The following GTF2I variants were observed in gnomAD, a reference collection of about 807,000 sequenced individuals.
GTF2I encodes the protein general transcription factor IIi.
Under a neutral mutation model 67.6 loss-of-function variants are expected in GTF2I, and 12 were observed. That is an observed-to-expected ratio of 0.18 (90% confidence interval 0.11 to 0.29). The LOEUF is 0.29. Ranked by LOEUF, GTF2I falls within the 10% of genes least tolerant of loss-of-function variation. The pLI is 1.00. For synonymous variants in GTF2I, 149 were observed against 197.0 expected (o/e 0.76, Z 2.04); for missense variants, 271 against 580.1 (o/e 0.47, Z 5.47).
intron 11 of GTF2I, among the ~76,000 whole-genome samples, chr7:74,717,409 C>A (rs1417435772): frequency 6.6e-6 from 1 of 152,158 alleles, no homozygotes. Flanking sequence ...TTTGTACTCA[C>A]AACTACTCCA....
chr7:74,670,823 T>A (rs1240312371), intron 1 of GTF2I, among the ~76,000 whole-genome samples: 1 of 152,026 alleles, frequency 6.6e-6, no homozygotes, highest in African/African-American at 2.4e-5. Context: ...AGTTTTAAAT[T>A]TGGAGTCATG....
chr7:74,707,469 G>A (rs587719140), intron 8 of GTF2I, among the ~76,000 whole-genome samples: 18 of 152,298 alleles, frequency 1.2e-4, no homozygotes, highest in African/African-American at 2.9e-4. Context: ...AGGGCATCTC[G>A]AATGAGTTGT....
intron 1 of GTF2I, among the ~76,000 whole-genome samples, chr7:74,666,841 G>A (rs978054442): frequency 2.6e-5 from 4 of 151,582 alleles, no homozygotes; most frequent in East Asian, 1.9e-4. Context: ...TTAGCCAGGC[G>A]TGATGGCGGG....
At chr7:74,664,742 T>A (rs1241026034) in intron 1 of GTF2I, among the ~76,000 whole-genome samples, 1 of 151,424 alleles carries the variant, frequency 6.6e-6, no homozygotes, top group Non-Finnish European at 1.5e-5. Context: ...CAACACTCTA[T>A]GTAGGATTTT....
intron 8 of GTF2I, among the ~76,000 whole-genome samples, chr7:74,708,566 C>A (rs965327071): frequency 6.6e-6 from 1 of 152,132 alleles, no homozygotes; most frequent in Non-Finnish European, 1.5e-5. Context: ...TTTGGCCAGG[C>A]TGAACGAGGG....
rs587633102 is a variant in GTF2I at position 74,734,491 on chromosome 7, C to T, written c.1363+510C>T. Among the ~76,000 whole-genome samples the T allele has an allele frequency of 6.6e-5, 10 of 151,866 alleles. No homozygotes were observed. The East Asian group carries it at 1.6e-3, about 24-fold the overall frequency. On this transcript the variant is annotated intron_variant, in intron 16 of 34. Coordinates refer to ENST00000573035, the MANE Select transcript of GTF2I (RefSeq NM_032999.4). ...GGCTGGAGTGCAGTGGTGCGATCTC[C>T]GCTCACTGCAACCTCCCGCCTCCTG...
In GTF2I at chr7:74,714,806, AT is replaced by A. The variant is rs781895514; in HGVS notation, c.764-42del. The stretch of plus-strand genomic sequence containing the variant: ...AATTTGTTGACTAAAGTCACCCCAC[AT>A]TTTTTTTTGGGGGGGATTACTTTTG... On this transcript the variant is annotated intron_variant, in intron 9 of 34. Coordinates refer to ENST00000573035, the MANE Select transcript of GTF2I (RefSeq NM_032999.4). The A allele has an allele frequency of 2.0e-3, 2,548 of 1,255,096 alleles. 8 individuals are homozygous for A. Among genetic ancestry groups the A allele is most frequent in the South Asian group, 2.2e-3 (157 of 70,542 alleles). The allele number at this position is 1,255,096 out of a possible 1,614,324, so 77.7% of individuals were successfully genotyped here.
At chr7:74,695,692 C>T (rs888441064) in intron 3 of GTF2I, among the ~76,000 whole-genome samples, 3 of 151,980 alleles carry the variant, frequency 2.0e-5, no homozygotes, top group Non-Finnish European at 4.4e-5. Flanking sequence ...ATCTTCTAAG[C>T]TTTATGTTAG....
At chr7:74,722,279 C>G (rs1187582361) in intron 12 of GTF2I, among the ~76,000 whole-genome samples, 4 of 152,218 alleles carry the variant, frequency 2.6e-5, no homozygotes, top group Admixed American at 6.5e-5. Flanking sequence ...CGGTGGTAAA[C>G]ATTTAAAACA....
intron 1 of GTF2I, among the ~76,000 whole-genome samples, chr7:74,663,770 T>G (rs1554387501): frequency 2.6e-5 from 4 of 152,178 alleles, no homozygotes; most frequent in African/African-American, 9.6e-5. Context: ...GCTACCTACC[T>G]GGGGGAGCAA....
At chr7:74,674,673 G>A (rs1303462356) in intron 1 of GTF2I, among the ~76,000 whole-genome samples, 1 of 151,828 alleles carries the variant, frequency 6.6e-6, no homozygotes, top group Non-Finnish European at 1.5e-5. Context: ...CGGGTAGCTG[G>A]GATTACAGGC....
chr7:74,658,129 G>A (rs1554384512), intron 1 of GTF2I, 61 bp downstream of exon 1: 1 of 151,636 alleles, frequency 6.6e-6, no homozygotes. Context: ...CATTGCGAGC[G>A]GGGGCCTTTA....
chr7:74,705,135 T>C, intron 6 of GTF2I, 29 bp from the exon 7 acceptor site: 1 of 1,457,492 alleles, frequency 6.9e-7, no homozygotes, highest in South Asian at 1.1e-5. Flanking sequence ...GTTGAAAAAC[T>C]AACTCCAATT....
At chr7:74,709,955 G>A (rs1375534168) in intron 8 of GTF2I, among the ~76,000 whole-genome samples, 3 of 152,150 alleles carry the variant, frequency 2.0e-5, no homozygotes, top group African/African-American at 2.4e-5. Flanking sequence ...TTACAGGCAC[G>A]AGCCACCGCA....
chr7:74,706,442 TAGCAC>T lies in GTF2I; in HGVS notation c.685+10_685+14del, dbSNP rs782092816. ...ACCCACAGAAGATTCTGGTATGTAC[TAGCAC>T]TTTTAGAATCAATGGTGAAATTAAG... On this transcript the variant is annotated intron_variant, in intron 8 of 34. Coordinates refer to ENST00000573035, the MANE Select transcript of GTF2I (RefSeq NM_032999.4). 1.3e-6 allele frequency: 2 copies of T among 1,588,968 alleles called. No individual in the cohort carries two copies. Among genetic ancestry groups the T allele is most frequent in the Non-Finnish European group, 1.7e-6 (2 of 1,157,220 alleles).
At chr7:74,705,543 G>A (rs1476683248) in intron 7 of GTF2I, among the ~76,000 whole-genome samples, 2 of 132,772 alleles carry the variant, frequency 1.5e-5, no homozygotes, top group Non-Finnish European at 3.1e-5. Flanking sequence ...ACTAAGTTCA[G>A]TTGGTAACTC....
chr7:74,702,317 T>A (rs1554400101), intron 6 of GTF2I, among the ~76,000 whole-genome samples: 1 of 152,082 alleles, frequency 6.6e-6, no homozygotes, highest in Non-Finnish European at 1.5e-5. Context: ...AACCTCCGCC[T>A]CGTGGATTCA....
At chr7:74,696,368 C>T (rs1788904074) in intron 3 of GTF2I, among the ~76,000 whole-genome samples, 2 of 151,856 alleles carry the variant, frequency 1.3e-5, no homozygotes, top group Non-Finnish European at 1.5e-5. Context: ...GTCTCACTAT[C>T]GCCCATGGAG....
chr7:74,669,520 C>G (rs980948291), intron 1 of GTF2I, among the ~76,000 whole-genome samples: 1 of 150,546 alleles, frequency 6.6e-6, no homozygotes. Flanking sequence ...CGTGAACCAT[C>G]GCTCCCAGCT....
Sources: gnomAD v4.1 joint callset for allele counts (sites outside exome capture counted in the v4.1 genomes callset) on GRCh38, gnomAD v4.1.1 for gene constraint, MANE v1.5 for transcripts, NCBI Gene and HGNC (gene_info 2026-07-23, HGNC 2026-07-21) for gene names.